Variants in SMNDC1 observed in about 807,000 individuals in gnomAD.
SMNDC1 encodes survival motor neuron domain containing 1.
Under a neutral mutation model 29.2 loss-of-function variants are expected in SMNDC1, and 5 were observed. The ratio of observed to expected loss-of-function variants is 0.17; its 90% CI spans 0.09 to 0.36. The LOEUF is 0.36. Ranked by LOEUF, SMNDC1 falls within the 10% of genes least tolerant of loss-of-function variation. The pLI is 1.00. For synonymous variants in SMNDC1, 80 were observed against 89.9 expected, an observed-to-expected ratio of 0.89 and a Z score of 0.62; for missense variants, 142 against 268.5, an observed-to-expected ratio of 0.53 and a Z score of 3.29.
intron 2 of SMNDC1, among the ~76,000 whole-genome samples, chr10:110,302,942 G>A (rs1857676164): frequency 6.6e-6 from 1 of 151,956 alleles, no homozygotes; most frequent in African/African-American, 2.4e-5. Flanking sequence ...GAACATCTAT[G>A]TAACAATTAT....
chr10:110,296,732 C>CG (rs1857566997), intron 4 of SMNDC1, among the ~76,000 whole-genome samples: 1 of 152,118 alleles, frequency 6.6e-6, no homozygotes, highest in Non-Finnish European at 1.5e-5. Context: ...AAAATGTTAT[C>CG]GGTGGCTTAC....
chr10:110,292,916 A>C lies in SMNDC1; in HGVS notation c.*1234T>G, dbSNP rs1415575029. The C allele has an allele frequency of 6.6e-6, 1 of 152,178 alleles. No individual in the cohort carries two copies. Among genetic ancestry groups the C allele is most frequent in the Non-Finnish European group, 1.5e-5 (1 of 68,032 alleles). The allele number at this position is 152,178 out of a possible 1,614,324, so 9.4% of individuals were successfully genotyped here. On this transcript the variant is annotated 3_prime_UTR_variant, in exon 6 of 6. Transcript: ENST00000369603. ...TTTCTTCTAATGGAAGGAATACTTA[A>C]GCATTTACTGAAACCTCTCACACAC...
rs1346631323 is a variant in SMNDC1, at chr10:110,291,551, G to A, written c.*2599C>T. 2 of 152,156 alleles carry A rather than the reference G, an allele frequency of 1.3e-5. No homozygotes were observed. Among genetic ancestry groups the A allele is most frequent in the Admixed American group, 6.5e-5 (1 of 15,268 alleles). The allele number at this position is 152,156 out of a possible 1,614,324, so 9.4% of individuals were successfully genotyped here. On this transcript the variant is annotated 3_prime_UTR_variant, in exon 6 of 6. Transcript: ENST00000369603. ...GCCACTCTGCAGAGTAATAGCAGAC[G>A]CTTCTATAGTGCTTATGCCGGATAC...
At chr10:110,303,705 C>T in intron 1 of SMNDC1, 118 bp from the exon 2 acceptor site, 1 of 906,542 alleles carries the variant, frequency 1.1e-6, no homozygotes, top group Non-Finnish European at 1.6e-6. Flanking sequence ...TCTAACACTG[C>T]AGCTTAATTT....
chr10:110,295,285 C>G lies in SMNDC1; in HGVS notation c.522G>C (p.Gln174His). 2.5e-6 allele frequency: 4 copies of G among 1,609,096 alleles called. No homozygotes were observed. Among genetic ancestry groups the G allele is most frequent in the Non-Finnish European group, 3.4e-6 (4 of 1,178,650 alleles). Residue 174 changes from glutamine to histidine, a missense_variant, in exon 5 of 6, where the codon CAG becomes CAC. Coordinates refer to ENST00000369603, the MANE Select transcript of SMNDC1 (RefSeq NM_005871.4). ...TGTTGAATTGTTGCCATTTCACTTT[C>G]TGGTCCTCTCTTTCCTGCTCAAGTT... is the stretch of plus-strand genomic sequence containing the variant. ...IKELEQERED[Q>H]KVKWQQFNNR...
rs1857521853 is a variant in SMNDC1, at chr10:110,293,414, C to G, written c.*736G>C. On this transcript the variant is annotated 3_prime_UTR_variant, in exon 6 of 6. Coordinates refer to ENST00000369603, the MANE Select transcript of SMNDC1 (RefSeq NM_005871.4). ...CAGGGCTATACATCAGCTTTTTGTTCTCCCATATAAACATCACACATCCAA... is the reference window on the plus strand; with the variant it reads ...CAGGGCTATACATCAGCTTTTTGTTGTCCCATATAAACATCACACATCCAA... 6.6e-6 allele frequency: 1 copy of G among 152,544 alleles called. No individual in the cohort carries two copies. Among genetic ancestry groups the G allele is most frequent in the South Asian group, 2.1e-4 (1 of 4,822 alleles). 9.4% of individuals were successfully genotyped at this position (152,544 alleles called of 1,614,324 possible).
At chr10:110,303,178 T>C (rs1443162909) in intron 2 of SMNDC1, among the ~76,000 whole-genome samples, 1 of 152,262 alleles carries the variant, frequency 6.6e-6, no homozygotes, top group Non-Finnish European at 1.5e-5. Flanking sequence ...TGAAGTTACA[T>C]GTACCTCTCG....
Position 110,294,140 on chromosome 10 carries a change from G to A in SMNDC1, c.*10C>T. ...AGCCCTGCAGAGATGAAATCCAACA[G>A]TTTTTCTGATTATTGAGGCATCAAA... is the stretch of plus-strand genomic sequence containing the variant. On this transcript the variant is annotated 3_prime_UTR_variant, in exon 6 of 6. Coordinates refer to ENST00000369603, the MANE Select transcript of SMNDC1 (RefSeq NM_005871.4). The A allele has an allele frequency of 6.4e-7, 1 of 1,566,496 alleles. No individual in the cohort carries two copies. Among genetic ancestry groups the A allele is most frequent in the South Asian group, 1.2e-5 (1 of 84,180 alleles).
intron 2 of SMNDC1, among the ~76,000 whole-genome samples, chr10:110,300,067 AGAG>A (rs1214597103): frequency 6.6e-6 from 1 of 152,214 alleles, no homozygotes; most frequent in African/African-American, 2.4e-5. Flanking sequence ...ACACAACAGA[AGAG>A]TAAATTATCT....
At chr10:110,298,880 A>AC in intron 2 of SMNDC1, 90 bp from the exon 3 acceptor site, 1 of 900,768 alleles carries the variant, frequency 1.1e-6, no homozygotes, top group Non-Finnish European at 1.7e-6. Context: ...CTGTACGTTA[A>AC]GTACTCTACA....
intron 2 of SMNDC1, chr10:110,300,428 A>T: frequency 2.4e-6 from 1 of 411,192 alleles, no homozygotes; most frequent in South Asian, 1.0e-4. Context: ...CCATGGTTTT[A>T]CATAACCCTC....
At chr10:110,303,689 ACTCC>A (rs1857692937) in intron 1 of SMNDC1, 102 bp from the exon 2 acceptor site, 2 of 1,080,990 alleles carry the variant, frequency 1.9e-6, no homozygotes, top group South Asian at 3.2e-5. Context: ...TTTGCCTCTA[ACTCC>A]TTCTAACACT....
In SMNDC1 at chr10:110,302,091, C is replaced by T. The variant is rs557507042; in HGVS notation, c.120+1377G>A. Reference sequence around the variant, plus strand: ...GACTGCTTAAGTTGGTAAAGGTAGTCAAGGCATCTCTCTTTGGGGCAAACA... The same window carrying T: ...GACTGCTTAAGTTGGTAAAGGTAGTTAAGGCATCTCTCTTTGGGGCAAACA... On this transcript the variant is annotated intron_variant, in intron 2 of 5. Transcript: ENST00000369603. Among the ~76,000 whole-genome samples the T allele has an allele frequency of 4.7e-4, 72 of 152,278 alleles. No homozygotes were observed. In the Middle Eastern group the frequency reaches 0.01, roughly 22 times the overall value.
At chr10:110,303,806 T>G in intron 1 of SMNDC1, 1 of 468,206 alleles carries the variant, frequency 2.1e-6, no homozygotes, top group Non-Finnish European at 3.7e-6. Flanking sequence ...TGAGATACAT[T>G]CCATACTTTA....
chr10:110,299,877 T>C (rs1227079261), intron 2 of SMNDC1, among the ~76,000 whole-genome samples: 1 of 152,210 alleles, frequency 6.6e-6, no homozygotes, highest in East Asian at 1.9e-4. Context: ...CTTAAATCTC[T>C]TGAAGAAAGG....
intron 4 of SMNDC1, 99 bp from the exon 5 acceptor site, chr10:110,295,480 T>C: frequency 1.3e-6 from 1 of 782,716 alleles, no homozygotes. Flanking sequence ...CTAATAAACA[T>C]ATACAATGGT....
chr10:110,297,962 G>A (rs988464420), intron 3 of SMNDC1, among the ~76,000 whole-genome samples: 1 of 152,118 alleles, frequency 6.6e-6, no homozygotes, highest in African/African-American at 2.4e-5. Flanking sequence ...CCTACTCAAC[G>A]TGATTTAATG....
chr10:110,303,333 A>C, intron 2 of SMNDC1, 135 bp downstream of exon 2: 1 of 663,674 alleles, frequency 1.5e-6, no homozygotes, highest in Non-Finnish European at 2.4e-6. Flanking sequence ...CTACTTCTAC[A>C]AGCAATGGTA....
chr10:110,302,961 C>T (rs1344503439), intron 2 of SMNDC1, among the ~76,000 whole-genome samples: 2 of 152,004 alleles, frequency 1.3e-5, no homozygotes, highest in African/African-American at 4.8e-5. Context: ...ATACAAAGCA[C>T]TTGTCTCTCT....
Sources: allele counts gnomAD v4.1 joint callset (sites outside exome capture counted in the v4.1 genomes callset), GRCh38; gene constraint gnomAD v4.1.1; transcripts MANE v1.5; gene names NCBI Gene and HGNC (gene_info 2026-07-23, HGNC 2026-07-21).